The following RBM34 variants were observed in gnomAD, a reference collection of about 807,000 sequenced individuals.
The protein encoded by RBM34 is RNA binding motif protein 34.
Under a neutral mutation model 44.6 loss-of-function variants are expected in RBM34, and 39 were observed. The observed-to-expected ratio is 0.87, with a 90% CI of 0.68 to 1.14. The LOEUF is 1.14. Among genes scored for constraint, RBM34 ranks in the 50% most tolerant of loss-of-function variants. The pLI, the probability that RBM34 is intolerant of heterozygous loss-of-function variation, is 0.00. For synonymous variants in RBM34, 194 were observed against 184.0 expected, an observed-to-expected ratio of 1.05 and a Z score of -0.44; for missense variants, 572 against 517.9, an observed-to-expected ratio of 1.10 and a Z score of -1.01.
At chr1:235,149,043 C>T (rs1166639113) in intron 5 of RBM34, among the ~76,000 whole-genome samples, 1 of 151,972 alleles carries the variant, frequency 6.6e-6, no homozygotes, top group Non-Finnish European at 1.5e-5. Flanking sequence ...TCAGATGACT[C>T]CTACAGGGAG....
chr1:235,135,981 T>A, intron 9 of RBM34, 53 bp downstream of exon 9: 1 of 1,423,172 alleles, frequency 7.0e-7, no homozygotes, highest in Non-Finnish European at 9.7e-7. Context: ...CAGTTCTTAT[T>A]TCCTTGTTAT....
At chr1:235,144,499 T>TAAAAAAA (rs67277220) in intron 6 of RBM34, among the ~76,000 whole-genome samples, 156 of 132,214 alleles carry the variant, frequency 1.2e-3, no homozygotes, top group African/African-American at 3.1e-3. Context: ...CTTAATAAAC[T>TAAAAAAA]AAAAAAAAAA....
chr1:235,151,120 A>C (rs1271710063), intron 5 of RBM34, among the ~76,000 whole-genome samples: 1 of 152,196 alleles, frequency 6.6e-6, no homozygotes, highest in African/African-American at 2.4e-5. Context: ...ATGAGAACTT[A>C]GGTAGGACAA....
At position 235,131,545 on chromosome 1, in the gene RBM34, A is replaced by T; in HGVS notation, c.*168T>A. 1 of 745,064 alleles carries T rather than the reference A, an allele frequency of 1.3e-6. No individual in the cohort carries two copies. The highest frequency in any genetic ancestry group is 2.1e-6 in the Non-Finnish European group (1 of 482,678). The allele number at this position is 745,064 out of a possible 1,614,324, so 46.2% of individuals were successfully genotyped here. A position where few individuals can be genotyped will look rare whatever the true frequency, so the allele number is the denominator to read the frequency against. On this transcript the variant is annotated 3_prime_UTR_variant, in exon 11 of 11. Transcript: ENST00000408888. ...CAAAAACAAAAAAACCTTCAAAGGT[A>T]GTATCACAATGTGAATAAACTGAGA...
At chr1:235,141,090 C>T (rs1229491382) in intron 6 of RBM34, among the ~76,000 whole-genome samples, 1 of 149,688 alleles carries the variant, frequency 6.7e-6, no homozygotes, top group Non-Finnish European at 1.5e-5. Flanking sequence ...ATTGTAAATA[C>T]ACCAATCGGC....
intron 6 of RBM34, among the ~76,000 whole-genome samples, chr1:235,141,787 C>A (rs941656474): frequency 6.6e-6 from 1 of 152,228 alleles, no homozygotes; most frequent in South Asian, 2.1e-4. Context: ...ACACTCACTG[C>A]GAAGGTCTGC....
At chr1:235,156,674 AAGG>A (rs1256108065) in intron 3 of RBM34, 1 of 459,686 alleles carries the variant, frequency 2.2e-6, no homozygotes. Flanking sequence ...ATCAATCTGA[AAGG>A]AGAACTAAAG....
chr1:235,152,548 C>A, intron 5 of RBM34, 158 bp downstream of exon 5: 5 of 1,389,246 alleles, frequency 3.6e-6, no homozygotes, highest in Non-Finnish European at 4.7e-6. Flanking sequence ...CAAGAGTCAG[C>A]AGTAGATAGT....
chr1:235,138,147 A>G lies in RBM34; in HGVS notation c.729T>C (p.Asn243=), dbSNP rs769876720. The G allele has an allele frequency of 1.0e-5, 16 of 1,601,892 alleles. No individual in the cohort carries two copies. In the South Asian group the frequency reaches 1.8e-4, roughly 18 times the overall value. ...CCTTAAACACAACATAGGCATTAAT[A>G]TTTTTCTGATCAGGATGAATTTTAC... ...IKRKIHPDQK[N]INAYVVFKEE... Residue 243 remains asparagine (N), a synonymous_variant, in exon 7 of 11, where the codon AAT becomes AAC. Transcript: ENST00000408888.
At chr1:235,132,778 T>C (rs1046771755) in intron 10 of RBM34, among the ~76,000 whole-genome samples, 17 of 152,136 alleles carry the variant, frequency 1.1e-4, no homozygotes, top group African/African-American at 3.6e-4. Flanking sequence ...TCTGTTCCAA[T>C]ATAGAGCCAT....
At chr1:235,132,609 CA>C (rs1284803941) in intron 10 of RBM34, among the ~76,000 whole-genome samples, 5 of 151,940 alleles carry the variant, frequency 3.3e-5, no homozygotes, top group African/African-American at 1.2e-4. Context: ...GCCTGGCCCC[CA>C]TATGCAATAT....
At chr1:235,132,028 T>C (rs1168216940) in intron 10 of RBM34, 31 bp from the exon 11 acceptor site, 2 of 1,532,174 alleles carry the variant, frequency 1.3e-6, no homozygotes, top group East Asian at 4.5e-5. Context: ...CATTAATTGC[T>C]ACCAGAAACC....
At chr1:235,155,183 G>C (rs992012351) in intron 3 of RBM34, 71 bp from the exon 4 acceptor site, 11 of 1,174,600 alleles carry the variant, frequency 9.4e-6, no homozygotes, top group Non-Finnish European at 1.3e-5. Context: ...ACAAAGCACA[G>C]CCCTACCCTC....
chr1:235,144,536 T>C (rs551385662), intron 6 of RBM34, among the ~76,000 whole-genome samples: 1 of 144,028 alleles, frequency 6.9e-6, no homozygotes. Context: ...ATTTTGGCTA[T>C]AAGAAAAAGG....
chr1:235,142,781 A>G (rs1010551390), intron 6 of RBM34, among the ~76,000 whole-genome samples: 1 of 151,148 alleles, frequency 6.6e-6, no homozygotes, highest in African/African-American at 2.4e-5. Flanking sequence ...TACAAAAATG[A>G]CCCGAGTGTG....
intron 5 of RBM34, 103 bp from the exon 6 acceptor site, chr1:235,148,550 CA>C: frequency 1.3e-6 from 1 of 742,826 alleles, no homozygotes. Flanking sequence ...ACACTGTGAT[CA>C]AAAACATTCT....
At position 235,136,086 on chromosome 1, in the gene RBM34, G is replaced by C. The variant is rs576130459; in HGVS notation, c.850-13C>G. ...ATCTCTTGTCTCTCTGAAACAAAAA[G>C]ACAGTTAATAAAAATCACTCACTAG... On this transcript the variant is annotated splice_polypyrimidine_tract_variant and intron_variant, in intron 8 of 10. Coordinates refer to ENST00000408888, the MANE Select transcript of RBM34 (RefSeq NM_015014.4). 1 of 1,594,158 alleles carries C rather than the reference G, an allele frequency of 6.3e-7. No homozygotes were observed. The highest frequency in any genetic ancestry group is 1.3e-5 in the African/African-American group (1 of 74,480).
At position 235,160,594 on chromosome 1, in the gene RBM34, A is replaced by G; in HGVS notation, c.282T>C (p.Ile94=). 1 of 1,613,938 alleles carries G rather than the reference A, an allele frequency of 6.2e-7. No homozygotes were observed. Among genetic ancestry groups the G allele is most frequent in the East Asian group, 2.2e-5 (1 of 44,874 alleles). ...RNEEEESTSQ[I]ERPLSQEPAK... ...CAGGTTCTTGCGAAAGTGGTCTTTC[A>G]ATCTGGGATGTACTTTCTTCCTCCT... is the stretch of plus-strand genomic sequence containing the variant. Residue 94 remains isoleucine, a synonymous_variant, in exon 3 of 11, where the codon ATT becomes ATC. Transcript: ENST00000408888.
At chr1:235,155,225 A>C in intron 3 of RBM34, 113 bp from the exon 4 acceptor site, 1 of 853,996 alleles carries the variant, frequency 1.2e-6, no homozygotes, top group Non-Finnish European at 1.8e-6. Context: ...TGTCTTCTGA[A>C]TTTTCCTAGA....
Sources: gnomAD v4.1 joint callset for allele counts (sites outside exome capture counted in the v4.1 genomes callset) on GRCh38, gnomAD v4.1.1 for gene constraint, MANE v1.5 for transcripts, NCBI Gene and HGNC (gene_info 2026-07-23, HGNC 2026-07-21) for gene names.